Variants in GPAM observed in about 807,000 individuals in gnomAD.
The protein encoded by GPAM is glycerol-3-phosphate acyltransferase, mitochondrial, also known as glycerol-3-phosphate acyltransferase 1, mitochondrial.
Under a neutral mutation model 105.0 loss-of-function variants are expected in GPAM, and 56 were observed. That is an observed-to-expected ratio of 0.53 (90% CI 0.43 to 0.67). GPAM has a LOEUF of 0.67. Ranked by LOEUF, GPAM falls within the 30% of genes least tolerant of loss-of-function variation. The pLI is 0.00. For synonymous variants in GPAM, 368 were observed against 354.4 expected (o/e 1.04, Z -0.43); for missense variants, 855 against 989.8 (o/e 0.86, Z 1.83).
In GPAM at chr10:112,168,308, T is replaced by C. The variant is rs759821999; in HGVS notation, c.1107+4A>G. ...AAAGAAAACTTTTGTGTAGGTACCC[T>C]TACCAGTTGTTCACCATTGTAGTGA... On this transcript the variant is annotated splice_donor_region_variant and intron_variant, in intron 11 of 21. Coordinates refer to ENST00000348367, the MANE Select transcript of GPAM (RefSeq NM_001244949.2). The C allele has an allele frequency of 3.3e-6, 5 of 1,511,448 alleles. No homozygotes were observed. In the African/African-American group the frequency reaches 6.8e-5, roughly 21 times the overall value. 93.6% of individuals were successfully genotyped at this position (1,511,448 alleles called of 1,614,324 possible).
chr10:112,217,440 G>GT (rs201314583), upstream of GPAM, among the ~76,000 whole-genome samples: 1,547 of 140,360 alleles, frequency 0.011, 15 homozygotes, highest in African/African-American at 0.03. Flanking sequence ...CGTTTTGTTT[G>GT]TTTTTTTTTT....
chr10:112,218,300 T>A (rs373370641), upstream of GPAM, among the ~76,000 whole-genome samples: 17 of 151,804 alleles, frequency 1.1e-4, 1 homozygote, highest in South Asian at 3.6e-3. Flanking sequence ...ATCATGGGAG[T>A]CTCAAGATGC....
chr10:112,180,488 G>A lies in GPAM; in HGVS notation c.210C>T (p.Cys70=). 1 of 1,613,444 alleles carries A rather than the reference G, an allele frequency of 6.2e-7. No individual in the cohort carries two copies. Among genetic ancestry groups the A allele is most frequent in the Non-Finnish European group, 8.5e-7 (1 of 1,179,408 alleles). Residue 70 remains cysteine, a synonymous_variant, in exon 4 of 22, where the codon TGC becomes TGT. Coordinates refer to ENST00000348367, the MANE Select transcript of GPAM (RefSeq NM_001244949.2). ...RPFVGRCCYS[C]TPQSWDKFFN... ...AGGTTCTTACCCAGCTCTGGGGAGT[G>A]CAGGAGTAACAACATCTTCCAACAA...
rs371598317 is a variant in GPAM, at chr10:112,150,157, C to T, written c.*3393G>A. On this transcript the variant is annotated 3_prime_UTR_variant, in exon 22 of 22. Coordinates refer to ENST00000348367, the MANE Select transcript of GPAM (RefSeq NM_001244949.2). ...GTTTGTATTAAACTAAAATGCCAGA[C>T]GGCAAGTCTCAGGTTTCTAAAATAG... is the stretch of plus-strand genomic sequence containing the variant. 172 of 984,968 alleles carry T rather than the reference C, an allele frequency of 1.7e-4. 1 individual carries two copies. The South Asian group carries it at 6.7e-3, about 38-fold the overall frequency. 61.0% of individuals were successfully genotyped at this position (984,968 alleles called of 1,614,324 possible).
intron 1 of GPAM, among the ~76,000 whole-genome samples, chr10:112,210,781 T>G (rs1847902343): frequency 6.6e-6 from 1 of 152,178 alleles, no homozygotes; most frequent in Non-Finnish European, 1.5e-5. Context: ...TAACCAGCCA[T>G]TTGTAAGAGA....
At chr10:112,208,941 T>G (rs139697681) in intron 1 of GPAM, among the ~76,000 whole-genome samples, 6 of 152,288 alleles carry the variant, frequency 3.9e-5, no homozygotes, top group African/African-American at 1.4e-4. Context: ...GTGGGTGCCA[T>G]GAATGCTAAA....
intron 1 of GPAM, among the ~76,000 whole-genome samples, chr10:112,213,086 C>T (rs1447894456): frequency 6.6e-6 from 1 of 152,196 alleles, no homozygotes; most frequent in East Asian, 1.9e-4. Flanking sequence ...GCCTTGCTCA[C>T]AGCTTGGGAC....
intron 12 of GPAM, 93 bp from the exon 13 acceptor site, chr10:112,164,703 T>C (rs1589584614): frequency 1.3e-6 from 1 of 768,018 alleles, no homozygotes; most frequent in Non-Finnish European, 2.4e-6. Flanking sequence ...AAGGGAGTTG[T>C]TTATGAAATA....
In GPAM at chr10:112,212,387, C is replaced by T. The variant is rs147438070; in HGVS notation, n.210+2781G>A. Among the ~76,000 whole-genome samples, 778 of 152,184 alleles carry T rather than the reference C, an allele frequency of 5.1e-3. 5 individuals are homozygous for T. The highest frequency in any genetic ancestry group is 0.017 in the African/African-American group (698 of 41,504). Reference sequence around the variant, plus strand: ...ACACCATTCTCCTGCCTCAGCCTCCCGAGTAGCTGGGACTACAGGCACCCA... The same window carrying T: ...ACACCATTCTCCTGCCTCAGCCTCCTGAGTAGCTGGGACTACAGGCACCCA... On this transcript the variant is annotated intron_variant and non_coding_transcript_variant, in intron 1 of 3. Coordinates refer to the GPAM transcript ENST00000480130.
At chr10:112,153,733 C>G (rs573551480) in intron 21 of GPAM, 67 bp from the exon 22 acceptor site, 2 of 1,565,434 alleles carry the variant, frequency 1.3e-6, no homozygotes, top group Middle Eastern at 2.3e-4. Context: ...CCATTACCAA[C>G]CTGACCTGTG....
chr10:112,177,815 C>G (rs1282711918), intron 5 of GPAM, among the ~76,000 whole-genome samples, 169 bp downstream of exon 5: 2 of 152,168 alleles, frequency 1.3e-5, no homozygotes, highest in South Asian at 4.1e-4. Context: ...AGTAATAGTT[C>G]TCTCTGTGGC....
chr10:112,157,183 G>C, intron 19 of GPAM, 66 bp downstream of exon 19: 1 of 1,370,236 alleles, frequency 7.3e-7, no homozygotes, highest in Non-Finnish European at 1.0e-6. Context: ...GACTCCAGCT[G>C]ATCTCACTGC....
intron 1 of GPAM, among the ~76,000 whole-genome samples, chr10:112,200,679 TGAA>T (rs1460518839): frequency 6.6e-6 from 1 of 151,688 alleles, no homozygotes; most frequent in Non-Finnish European, 1.5e-5. Context: ...AGAAGGAGAA[TGAA>T]GAAGAGAACA....
the GPAM span, among the ~76,000 whole-genome samples, chr10:112,225,515 G>A: frequency 6.6e-6 from 1 of 152,158 alleles, no homozygotes; most frequent in Admixed American, 6.5e-5. Flanking sequence ...TCCACTACCA[G>A]GATGTTTACA....
rs554269640 is a variant in GPAM at position 112,153,009 on chromosome 10, A to G, written c.*541T>C. ...GGTGTGATATATATCAGTCCACTCA[A>G]TTTATAAAGCACTTTGGGATAAAAG... On this transcript the variant is annotated 3_prime_UTR_variant, in exon 22 of 22. Coordinates refer to ENST00000348367, the MANE Select transcript of GPAM (RefSeq NM_001244949.2). 7.8e-4 allele frequency: 342 copies of G among 438,804 alleles called. No individual in the cohort carries two copies. Among genetic ancestry groups the G allele is most frequent in the Non-Finnish European group, 9.8e-4 (319 of 325,472 alleles). 27.2% of individuals were successfully genotyped at this position (438,804 alleles called of 1,614,324 possible). A position where few individuals can be genotyped will look rare whatever the true frequency, so the allele number is the denominator to read the frequency against.
chr10:112,211,918 C>G (rs1261524409), intron 1 of GPAM, among the ~76,000 whole-genome samples: 1 of 152,212 alleles, frequency 6.6e-6, no homozygotes, highest in Non-Finnish European at 1.5e-5. Context: ...GTTTCTTAAG[C>G]TGGGGACCTT....
At chr10:112,210,469 C>A (rs1295258761) in intron 1 of GPAM, among the ~76,000 whole-genome samples, 1 of 152,148 alleles carries the variant, frequency 6.6e-6, no homozygotes, top group East Asian at 1.9e-4. Flanking sequence ...CACCAATGCC[C>A]TGGGAGGTCT....
Position 112,158,391 on chromosome 10 carries a change from A to G in GPAM, c.1905T>C (p.Pro635=), listed in dbSNP as rs1400294898. The change falls in exon 18 of 22, where the codon CCT becomes CCC. Residue 635 remains proline (P), a splice_region_variant and synonymous_variant. Coordinates refer to ENST00000348367, the MANE Select transcript of GPAM (RefSeq NM_001244949.2). ...GGCAGACTTGGTAAAATGTCTGGCA[A>G]GGCTGAAAAGAAAATTCATTTAAAT... ...LLSNEGTISL[P]CQTFYQVCHE... is the part of the protein sequence containing the mutation. 3 of 1,581,546 alleles carry G rather than the reference A, an allele frequency of 1.9e-6. No homozygotes were observed. The highest frequency in any genetic ancestry group is 2.6e-6 in the Non-Finnish European group (3 of 1,150,246).
At position 112,156,966 on chromosome 10, in the gene GPAM, G is replaced by C. The variant is rs1207255986; in HGVS notation, c.2121+283C>G. On this transcript the variant is annotated intron_variant, in intron 19 of 21. Coordinates refer to ENST00000348367, the MANE Select transcript of GPAM (RefSeq NM_001244949.2). The stretch of plus-strand genomic sequence containing the variant: ...AACTGCTGCCTCATGAGGGGTGCAG[G>C]TGTAGGTAAACAGGTATGCACCTGT... The C allele has an allele frequency of 8.6e-6, 5 of 582,956 alleles. No individual in the cohort carries two copies. The Admixed American group carries it at 1.5e-4, about 18-fold the overall frequency. 36.1% of individuals were successfully genotyped at this position (582,956 alleles called of 1,614,324 possible). A position where few individuals can be genotyped will look rare whatever the true frequency, so the allele number is the denominator to read the frequency against.
Sources: allele counts gnomAD v4.1 joint callset (sites outside exome capture counted in the v4.1 genomes callset), GRCh38; gene constraint gnomAD v4.1.1; transcripts MANE v1.5; gene names NCBI Gene and HGNC (gene_info 2026-07-23, HGNC 2026-07-21).